The following IGF2R variants were observed in gnomAD, a reference collection of about 807,000 sequenced individuals.
IGF2R encodes insulin like growth factor 2 receptor.
Under a neutral mutation model 270.6 loss-of-function variants are expected in IGF2R, and 91 were observed. The observed-to-expected ratio is 0.34, with a 90% CI of 0.28 to 0.40. The LOEUF (loss-of-function observed/expected upper bound fraction) is 0.40, where lower values mean the gene tolerates loss of function less well. Ranked by LOEUF, IGF2R falls within the 10% of genes least tolerant of loss-of-function variation. The probability of loss-of-function intolerance (pLI) is 1.00; values close to 1 mark genes in which losing one functional copy is unlikely to be tolerated. For missense variants in IGF2R, 2,805 were observed against 3,188.3 expected, an observed-to-expected ratio of 0.88 and a Z score of 2.90; for synonymous variants, 1,316 against 1,258.9, an observed-to-expected ratio of 1.05 and a Z score of -0.96.
At chr6:159,972,434 A>C (rs184652821) in intron 1 of IGF2R, among the ~76,000 whole-genome samples, 11 of 152,288 alleles carry the variant, frequency 7.2e-5, no homozygotes, top group Non-Finnish European at 1.5e-4. Context: ...TATCCTTGCA[A>C]AGGTTTTGGA....
At chr6:160,072,168 T>C (rs1778755967) in intron 32 of IGF2R, 132 bp downstream of exon 32, 4 of 1,119,222 alleles carry the variant, frequency 3.6e-6, no homozygotes, top group East Asian at 2.4e-5. Flanking sequence ...TGTCATGGTG[T>C]GTGGGTGTGT....
intron 2 of IGF2R, among the ~76,000 whole-genome samples, chr6:159,999,169 C>T (rs553019567): frequency 3.0e-4 from 45 of 152,254 alleles, no homozygotes; most frequent in African/African-American, 1.1e-3. Flanking sequence ...CACTCCAGAC[C>T]CAGGGATCAT....
Position 160,109,367 on chromosome 6 carries a change from T to C in IGF2R, c.*4283T>C, listed in dbSNP as rs1779694550. ...AGGAAGTCAGGTTCAAGAAAGGACT[T>C]GTGACCTCACCCTTGGCTTCAGGGT... is the stretch of plus-strand genomic sequence containing the variant. On this transcript the variant is annotated 3_prime_UTR_variant, in exon 48 of 48. Coordinates refer to ENST00000356956, the MANE Select transcript of IGF2R (RefSeq NM_000876.4). 1 of 152,266 alleles carries C rather than the reference T, an allele frequency of 6.6e-6. No individual in the cohort carries two copies. The highest frequency in any genetic ancestry group is 2.1e-4 in the South Asian group (1 of 4,834). 9.4% of individuals were successfully genotyped at this position (152,266 alleles called of 1,614,324 possible). A position where few individuals can be genotyped will look rare whatever the true frequency, so the allele number is the denominator to read the frequency against.
intron 6 of IGF2R, among the ~76,000 whole-genome samples, chr6:160,029,231 T>C (rs1228585492): frequency 1.3e-5 from 2 of 152,228 alleles, no homozygotes; most frequent in Non-Finnish European, 1.5e-5. Context: ...TCCACCACCT[T>C]GGTCTCCCAG....
At chr6:159,971,792 T>G (rs1363737668) in intron 1 of IGF2R, among the ~76,000 whole-genome samples, 3 of 152,180 alleles carry the variant, frequency 2.0e-5, no homozygotes, top group African/African-American at 4.8e-5. Context: ...GGATTACAGG[T>G]GTGTGCCACC....
chr6:159,972,390 A>G (rs1257864213), intron 1 of IGF2R, among the ~76,000 whole-genome samples: 1 of 152,188 alleles, frequency 6.6e-6, no homozygotes, highest in Non-Finnish European at 1.5e-5. Flanking sequence ...CATTGATAGT[A>G]TTCTTGTTCA....
rs1418827887 is a variant in IGF2R at position 160,050,028 on chromosome 6, G to A, written c.2515-445G>A. Among the ~76,000 whole-genome samples the A allele has an allele frequency of 1.3e-5, 2 of 152,214 alleles. No homozygotes were observed. Among genetic ancestry groups the A allele is most frequent in the African/African-American group, 2.4e-5 (1 of 41,452 alleles). On this transcript the variant is annotated intron_variant, in intron 18 of 47. Transcript: ENST00000356956. This position sits in a 1 kb window ranked among gnomAD's most constrained non-coding sequence, Gnocchi z 4.0. ...TAGAAGAGTGCAGGGTGAAGTCATC[G>A]GATGGGGAGATGAAGAAACTGCATT...
rs543790857 is a variant in IGF2R, at chr6:160,102,019, C to T, written c.6843-500C>T. On this transcript the variant is annotated intron_variant, in intron 45 of 47. Coordinates refer to ENST00000356956, the MANE Select transcript of IGF2R (RefSeq NM_000876.4). This position sits in a 1 kb window ranked among gnomAD's most constrained non-coding sequence, Gnocchi z 4.5. ...CCTGGGCCCCACCCTGGTCTGTGGCCGCCCCTGGGCCCCGTCCTGGCCTGT... is the reference window on the plus strand; with the variant it reads ...CCTGGGCCCCACCCTGGTCTGTGGCTGCCCCTGGGCCCCGTCCTGGCCTGT... Among the ~76,000 whole-genome samples the T allele has an allele frequency of 3.3e-5, 5 of 152,184 alleles. No homozygotes were observed. The East Asian group carries it at 7.8e-4, about 24-fold the overall frequency.
chr6:160,079,893 T>C, intron 38 of IGF2R, 106 bp downstream of exon 38: 1 of 1,116,552 alleles, frequency 9.0e-7, no homozygotes, highest in South Asian at 1.6e-5. Context: ...GTCCTATGAG[T>C]GCTGTAACCT....
Position 159,998,411 on chromosome 6 carries a change from GGGA to G in IGF2R, c.289+7093_289+7095del, listed in dbSNP as rs1784083052. The stretch of plus-strand genomic sequence containing the variant: ...CAAGTTCTGTGGACCTTGAAAGCCA[GGGA>G]GGAGAAGAGTTGTTATTTTTTTGTA... On this transcript the variant is annotated intron_variant, in intron 2 of 47. Transcript: ENST00000356956. This position sits in a 1 kb window ranked among gnomAD's most constrained non-coding sequence, Gnocchi z 4.1. Among the ~76,000 whole-genome samples, 1 of 152,168 alleles carries G rather than the reference GGGA, an allele frequency of 6.6e-6. No homozygotes were observed. The highest frequency in any genetic ancestry group is 2.4e-5 in the African/African-American group (1 of 41,426).
Position 160,024,722 on chromosome 6 carries a change from GC to G in IGF2R, c.646+19del. 6.2e-7 allele frequency: 1 copy of G among 1,612,710 alleles called. No individual in the cohort carries two copies. The highest frequency in any genetic ancestry group is 1.1e-5 in the South Asian group (1 of 90,998). ...AGACATAGGTATGAATCTTTGTGGG[GC>G]TGAGGGGGTGGTGGTGAGGGATTTC... On this transcript the variant is annotated intron_variant, in intron 5 of 47. Coordinates refer to ENST00000356956, the MANE Select transcript of IGF2R (RefSeq NM_000876.4).
intron 1 of IGF2R, among the ~76,000 whole-genome samples, chr6:159,988,090 C>G (rs1163894094): frequency 6.6e-6 from 1 of 152,068 alleles, no homozygotes; most frequent in African/African-American, 2.4e-5. Flanking sequence ...TTCTAGCAAC[C>G]CTGATTTCCA....
At chr6:159,994,131 C>T (rs1398931462) in intron 2 of IGF2R, among the ~76,000 whole-genome samples, 1 of 151,088 alleles carries the variant, frequency 6.6e-6, no homozygotes, top group African/African-American at 2.4e-5. Flanking sequence ...TTCAATCTCA[C>T]TCCTTTTTAC....
At chr6:159,985,634 G>A (rs1783869927) in intron 1 of IGF2R, among the ~76,000 whole-genome samples, 1 of 152,020 alleles carries the variant, frequency 6.6e-6, no homozygotes, top group Non-Finnish European at 1.5e-5. Context: ...GTGTCATTGG[G>A]GATAACAGAC....
chr6:159,986,032 A>G (rs1783877545), intron 1 of IGF2R, among the ~76,000 whole-genome samples: 1 of 152,130 alleles, frequency 6.6e-6, no homozygotes, highest in Non-Finnish European at 1.5e-5. Context: ...CAACTGGGAC[A>G]ACGGACAGGG....
At chr6:160,085,831 A>G (rs1309651432) in intron 41 of IGF2R, among the ~76,000 whole-genome samples, 1 of 152,150 alleles carries the variant, frequency 6.6e-6, no homozygotes, top group African/African-American at 2.4e-5. Flanking sequence ...AAAATCACAC[A>G]CAGACTCTGC....
rs563713978 is a variant in IGF2R at position 160,060,850 on chromosome 6, G to C, written c.3262+133G>C. 3 of 759,248 alleles carry C rather than the reference G, an allele frequency of 4.0e-6. No homozygotes were observed. In the East Asian group the frequency reaches 8.0e-5, roughly 20 times the overall value. 47.0% of individuals were successfully genotyped at this position (759,248 alleles called of 1,614,324 possible). A position where few individuals can be genotyped will look rare whatever the true frequency, so the allele number is the denominator to read the frequency against. ...GTGTATGCTTGGTTATGCAGGCAGC[G>C]TGACATTTCTGTTATATATTCTCTT... is the stretch of plus-strand genomic sequence containing the variant. On this transcript the variant is annotated intron_variant, in intron 23 of 47. Transcript: ENST00000356956.
chr6:159,994,141 C>G (rs368407894), intron 2 of IGF2R, among the ~76,000 whole-genome samples: 25 of 151,806 alleles, frequency 1.6e-4, no homozygotes, highest in African/African-American at 5.6e-4. Flanking sequence ...CTCCTTTTTA[C>G]TGGTCTTTTC....
intron 2 of IGF2R, among the ~76,000 whole-genome samples, chr6:160,000,725 G>GTTT (rs1784114152): frequency 8.6e-6 from 1 of 116,072 alleles, no homozygotes; most frequent in African/African-American, 3.5e-5. Flanking sequence ...TTGGTGTGAG[G>GTTT]TTGTTTTTTT....
Sources: gnomAD v4.1 joint callset for allele counts (sites outside exome capture counted in the v4.1 genomes callset) on GRCh38, gnomAD v4.1.1 for gene constraint, Gnocchi (gnomAD v3.1) non-coding constraint, MANE v1.5 for transcripts, NCBI Gene and HGNC (gene_info 2026-07-23, HGNC 2026-07-21) for gene names.